HLA-DRB1: variants seen among roughly 807,000 people sequenced by gnomAD.
The protein encoded by HLA-DRB1 is major histocompatibility complex, class II, DR beta 1, also known as major histocompatibility complex, class II, DR beta 1 precursor.
HLA-DRB1 carries 10 observed loss-of-function variants against 27.9 expected under a neutral mutation model. That is an observed-to-expected ratio of 0.36 (90% CI 0.22 to 0.61). HLA-DRB1 has a LOEUF of 0.61. Ranked by LOEUF, HLA-DRB1 falls within the 20% of genes least tolerant of loss-of-function variation. The pLI is 0.73. For missense variants in HLA-DRB1, 118 were observed against 306.3 expected (o/e 0.39, Z 4.59); for synonymous variants, 57 against 126.7 (o/e 0.45, Z 3.69).
At chr6:32,588,115 A>G (rs34801804) in intron 1 of HLA-DRB1, among the ~76,000 whole-genome samples, 52,117 of 126,044 alleles carry the variant, frequency 0.41, 9,303 homozygotes, top group Middle Eastern at 0.51. Context: ...AAGAATTCAC[A>G]GATAAAGAAA....
rs796742810 is a variant in HLA-DRB1 at position 32,581,114 on chromosome 6, T to A, written c.653-258A>T. On this transcript the variant is annotated intron_variant, in intron 3 of 5. Transcript: ENST00000360004. ...GATCCACAGAAAGCCTGAGACTCAATGAGGATAAGTAGTTTGTCTAGAGTG... is the reference window on the plus strand; with the variant it reads ...GATCCACAGAAAGCCTGAGACTCAAAGAGGATAAGTAGTTTGTCTAGAGTG... Among the ~76,000 whole-genome samples the A allele has an allele frequency of 5.8e-3, 428 of 73,660 alleles. 4 individuals carry two copies. The highest frequency in any genetic ancestry group is 9.4e-3 in the East Asian group (23 of 2,458). The allele number at this position is 73,660 out of a possible 152,430, so 48.3% of individuals were successfully genotyped here.
At chr6:32,586,110 C>G (rs796171277) in intron 1 of HLA-DRB1, among the ~76,000 whole-genome samples, 6,105 of 82,714 alleles carry the variant, frequency 0.074, 1 homozygote, top group East Asian at 0.14. Flanking sequence ...CATGAGTAGT[C>G]ACCACTGCAC....
At chr6:32,583,639 G>C (rs9269914) in intron 2 of HLA-DRB1, among the ~76,000 whole-genome samples, 690 of 43,654 alleles carry the variant, frequency 0.016, 44 homozygotes, top group Admixed American at 0.023. Flanking sequence ...ATGCCAGGGA[G>C]AGTCTGGAAC....
chr6:32,581,077 A>AGC (rs376534166), intron 3 of HLA-DRB1, among the ~76,000 whole-genome samples: 21,257 of 74,914 alleles, frequency 0.28, 3,990 homozygotes, highest in Non-Finnish European at 0.3. Context: ...GTAAGGCACA[A>AGC]GTTCAACATC....
intron 2 of HLA-DRB1, among the ~76,000 whole-genome samples, chr6:32,582,812 G>T (rs41283762): frequency 0.42 from 48,186 of 115,656 alleles, 11,909 homozygotes; most frequent in Middle Eastern, 0.55. Flanking sequence ...TCGTTACTTG[G>T]GGTGCTTATG....
exon 2 of HLA-DRB1, chr6:32,584,134 C>A (rs17882028): frequency 0.062 from 61,337 of 984,416 alleles, 10,303 homozygotes; most frequent in East Asian, 0.21. Context: ...TGAAGCTCTC[C>A]ACAACCCCGT....
intron 1 of HLA-DRB1, among the ~76,000 whole-genome samples, chr6:32,588,813 A>ATAC (rs147921080): frequency 0.62 from 61,355 of 98,414 alleles, 20,524 homozygotes; most frequent in Middle Eastern, 0.77. Context: ...CATATAATTT[A>ATAC]TACATTAGTT....
At chr6:32,586,296 C>T (rs376649732) in intron 1 of HLA-DRB1, among the ~76,000 whole-genome samples, 1,024 of 91,076 alleles carry the variant, frequency 0.011, no homozygotes, top group East Asian at 0.021. Flanking sequence ...TAACCTCGTC[C>T]TCACTTTTAC....
exon 4 of HLA-DRB1, chr6:32,580,781 C>A (rs1171621093): frequency 2.5e-6 from 4 of 1,613,096 alleles, no homozygotes; most frequent in South Asian, 2.2e-5. Context: ...CAGCCCGGCC[C>A]CAAGGAAGAG....
chr6:32,587,206 C>T (rs9270118), intron 1 of HLA-DRB1, among the ~76,000 whole-genome samples: 10,240 of 45,480 alleles, frequency 0.23, 4,004 homozygotes, highest in Non-Finnish European at 0.26. Flanking sequence ...CACGGTGAAA[C>T]CCTATCCCTA....
chr6:32,584,055 A>T (rs1238195139), intron 2 of HLA-DRB1, 54 bp downstream of exon 2: 1 of 565,014 alleles, frequency 1.8e-6, no homozygotes, highest in Non-Finnish European at 2.7e-6. Flanking sequence ...ACACACACAC[A>T]CACTCAGATT....
At chr6:32,585,601 A>G (rs1224902044) in intron 1 of HLA-DRB1, among the ~76,000 whole-genome samples, 20 of 130,718 alleles carry the variant, frequency 1.5e-4, no homozygotes, top group Non-Finnish European at 4.9e-5. Context: ...AGCAATTAGT[A>G]TCTTCATCAT....
exon 4 of HLA-DRB1, chr6:32,580,789 G>A: frequency 6.2e-7 from 1 of 1,613,370 alleles, no homozygotes; most frequent in Non-Finnish European, 8.5e-7. Flanking sequence ...CCCCAAGGAA[G>A]AGCAGGCCCA....
chr6:32,584,449 G>C (rs144353907), intron 1 of HLA-DRB1, 71 bp from the exon 2 acceptor site: 63,258 of 629,990 alleles, frequency 0.1, 8,235 homozygotes, highest in Admixed American at 0.2. Flanking sequence ...GCCACCATCC[G>C]GGGCTCCCTG....
At chr6:32,585,469 A>C (rs116109943) in intron 1 of HLA-DRB1, among the ~76,000 whole-genome samples, 7,496 of 83,882 alleles carry the variant, frequency 0.089, 249 homozygotes, top group Middle Eastern at 0.13. Flanking sequence ...CGTTAAGTGT[A>C]AAATTAAATG....
At chr6:32,583,117 T>G (rs1775800995) in intron 2 of HLA-DRB1, among the ~76,000 whole-genome samples, 1 of 81,166 alleles carries the variant, frequency 1.2e-5, no homozygotes. Flanking sequence ...CTGAGAAAAA[T>G]ACTAAGCCCT....
At chr6:32,583,016 A>G (rs550887002) in intron 2 of HLA-DRB1, among the ~76,000 whole-genome samples, 1,965 of 141,268 alleles carry the variant, frequency 0.014, 104 homozygotes, top group South Asian at 0.047. Flanking sequence ...AATTTTCAAA[A>G]TCCACATACA....
At position 32,579,144 on chromosome 6, in the gene HLA-DRB1, C is replaced by G. The variant is rs35467716; in HGVS notation, c.788-40G>C. 2 of 861,880 alleles carry G rather than the reference C, an allele frequency of 2.3e-6. 1 individual carries two copies. The highest frequency in any genetic ancestry group is 3.1e-6 in the Non-Finnish European group (2 of 643,770). The allele number at this position is 861,880 out of a possible 1,614,324, so 53.4% of individuals were successfully genotyped here. A position where few individuals can be genotyped will look rare whatever the true frequency, so the allele number is the denominator to read the frequency against. On this transcript the variant is annotated intron_variant, in intron 5 of 5. Coordinates refer to ENST00000360004, the Ensembl canonical transcript of HLA-DRB1. The stretch of plus-strand genomic sequence containing the variant: ...GGAGAGTGTTGTTTTCAACCTGGCT[C>G]TACTAACAGTTTCTTTTCCCCTCTT...
chr6:32,588,916 C>T lies in HLA-DRB1; in HGVS notation c.100+727G>A, dbSNP rs185906986. 7.1e-5 allele frequency among the ~76,000 whole-genome samples: 9 copies of T among 126,546 alleles called. No individual in the cohort carries two copies. In the Admixed American group the frequency reaches 8.0e-4, roughly 11 times the overall value. The allele number at this position is 126,546 out of a possible 152,430, so 83.0% of individuals were successfully genotyped here. ...AAAAAGATTCATAATGAACACGAACCTGGGCTAGTTTTTCAGAGGATGCCT... is the reference window on the plus strand; with the variant it reads ...AAAAAGATTCATAATGAACACGAACTTGGGCTAGTTTTTCAGAGGATGCCT... On this transcript the variant is annotated intron_variant, in intron 1 of 5. Coordinates refer to ENST00000360004, the Ensembl canonical transcript of HLA-DRB1.
Sources: gnomAD v4.1 joint callset for allele counts (sites outside exome capture counted in the v4.1 genomes callset) on GRCh38, gnomAD v4.1.1 for gene constraint, MANE v1.5 for transcripts, NCBI Gene and HGNC (gene_info 2026-07-23, HGNC 2026-07-21) for gene names.